The following BSN variants were observed in gnomAD, a reference collection of about 807,000 sequenced individuals.
BSN encodes the protein protein bassoon.
BSN carries 57 observed loss-of-function variants against 264.8 expected under a neutral mutation model. That is an observed-to-expected ratio of 0.22 (90% CI 0.17 to 0.27). The LOEUF is 0.27. BSN is among the 10% of genes least tolerant of loss of function. BSN has a pLI of 1.00. For synonymous variants in BSN, 2,059 were observed against 2,137.3 expected, an observed-to-expected ratio of 0.96 and a Z score of 1.01; for missense variants, 4,615 against 5,232.5, an observed-to-expected ratio of 0.88 and a Z score of 3.64.
intron 1 of BSN, among the ~76,000 whole-genome samples, chr3:49,558,350 A>G (rs897297479): frequency 4.6e-5 from 7 of 152,226 alleles, no homozygotes; most frequent in Non-Finnish European, 8.8e-5. Flanking sequence ...GCCCATCAGA[A>G]TGCGTAATCA....
intron 1 of BSN, among the ~76,000 whole-genome samples, chr3:49,584,365 T>C (rs182880355): frequency 2.6e-5 from 4 of 152,132 alleles, no homozygotes; most frequent in African/African-American, 9.6e-5. Context: ...TCACCTCTAA[T>C]CTTTATTATT....
In BSN at chr3:49,657,694, G is replaced by T. The variant is rs752959193; in HGVS notation, c.8138G>T (p.Gly2713Val). The T allele has an allele frequency of 1.3e-6, 2 of 1,558,312 alleles. No individual in the cohort carries two copies. Among genetic ancestry groups the T allele is most frequent in the Non-Finnish European group, 8.7e-7 (1 of 1,148,654 alleles). ...YISAPEKTGR[G>V]ESLACQTEPD... is the part of the protein sequence containing the mutation. ...TCGGCGCCAGAGAAGACTGGGCGTGGGGAGAGCCTGGCCTGCCAGACGGAG... is the reference window on the plus strand; with the variant it reads ...TCGGCGCCAGAGAAGACTGGGCGTGTGGAGAGCCTGGCCTGCCAGACGGAG... Residue 2713 changes from glycine (G) to valine (V), a missense_variant, in exon 5 of 12, where the codon GGG becomes GTG. Coordinates refer to ENST00000296452, the MANE Select transcript of BSN (RefSeq NM_003458.4).
rs551252588 is a variant in BSN at position 49,664,616 on chromosome 3, A to T, written c.11740+62A>T. Reference sequence around the variant, plus strand: ...TACTCTGGTACAGGCTGGGTCTGTGAGATGATTCCAGACTCAGTCACCCAG... The same window carrying T: ...TACTCTGGTACAGGCTGGGTCTGTGTGATGATTCCAGACTCAGTCACCCAG... On this transcript the variant is annotated intron_variant, in intron 9 of 11. Coordinates refer to ENST00000296452, the MANE Select transcript of BSN (RefSeq NM_003458.4). The T allele has an allele frequency of 2.1e-5, 33 of 1,549,714 alleles. No individual in the cohort carries two copies. In the South Asian group the frequency reaches 3.6e-4, roughly 17 times the overall value.
intron 1 of BSN, among the ~76,000 whole-genome samples, chr3:49,571,537 A>G (rs939700297): frequency 1.3e-5 from 2 of 152,144 alleles, no homozygotes; most frequent in Non-Finnish European, 2.9e-5. Flanking sequence ...CCCAGGACTC[A>G]TAGGATGGAG....
At chr3:49,626,509 C>G (rs2052342066) in intron 2 of BSN, among the ~76,000 whole-genome samples, 1 of 152,118 alleles carries the variant, frequency 6.6e-6, no homozygotes, top group South Asian at 2.1e-4. Context: ...GGAGTTGCTC[C>G]TGGAGTGTGG....
At position 49,606,225 on chromosome 3, in the gene BSN, T is replaced by TATA. The variant is rs1449538249; in HGVS notation, c.225-18749_225-18748insTAA. ...ATATTATATATGTATATATTATATA[T>TATA]ACATATATTATATATGTATATATTA... is the stretch of plus-strand genomic sequence containing the variant. On this transcript the variant is annotated intron_variant, in intron 1 of 11. Transcript: ENST00000296452. 9.4e-4 allele frequency among the ~76,000 whole-genome samples: 48 copies of TATA among 51,230 alleles called. 2 individuals are homozygous for TATA. The highest frequency in any genetic ancestry group is 4.5e-3 in the African/African-American group (47 of 10,408). The allele number at this position is 51,230 out of a possible 152,430, so 33.6% of individuals were successfully genotyped here. A position where few individuals can be genotyped will look rare whatever the true frequency, so the allele number is the denominator to read the frequency against.
intron 2 of BSN, among the ~76,000 whole-genome samples, chr3:49,626,599 G>A (rs770017943): frequency 6.6e-6 from 1 of 152,180 alleles, no homozygotes; most frequent in Non-Finnish European, 1.5e-5. Flanking sequence ...GTTCAGTTAG[G>A]TAAGTGCTTG....
Position 49,662,960 on chromosome 3 carries a change from A to G in BSN, c.10802A>G (p.His3601Arg), listed in dbSNP as rs1575453090. Reference protein sequence around the residue: ...RSDRFRHHGGHAVSSSSQKRG... With the variant: ...RSDRFRHHGGRAVSSSSQKRG... ...GACCGGTTCAGGCACCACGGGGGCC[A>G]TGCAGTTTCCTCCTCCTCCCAGAAG... The change falls in exon 7 of 12, where the codon CAT (histidine) becomes CGT (arginine). Residue 3601 changes from histidine (H) to arginine (R), a missense_variant. His to Arg is a conservative substitution (Grantham distance 29). Transcript: ENST00000296452. The G allele has an allele frequency of 3.1e-6, 5 of 1,614,150 alleles. No individual in the cohort carries two copies. Among genetic ancestry groups the G allele is most frequent in the South Asian group, 1.1e-5 (1 of 91,086 alleles).
chr3:49,635,057 A>G (rs2052410572), intron 2 of BSN, among the ~76,000 whole-genome samples: 1 of 152,152 alleles, frequency 6.6e-6, no homozygotes, highest in African/African-American at 2.4e-5. Flanking sequence ...GGGTGGCTAA[A>G]CAGACAGAAT....
rs781437225 is a variant in BSN, at chr3:49,663,406, C to G, written c.11248C>G (p.Arg3750Gly). 2 of 1,612,860 alleles carry G rather than the reference C, an allele frequency of 1.2e-6. No individual in the cohort carries two copies. The highest frequency in any genetic ancestry group is 2.2e-5 in the South Asian group (2 of 91,090). The stretch of plus-strand genomic sequence containing the variant: ...CCAGGCGCAGCCGCAGCTGCAAGGT[C>G]GGCAGGCAGCTCCAGGACCACAGCA... The part of the protein sequence containing the change: ...EPQAQPQLQG[R>G]QAAPGPQQSQ... The change falls in exon 7 of 12, where the codon CGG (arginine) becomes GGG (glycine). Residue 3750 changes from arginine to glycine, a missense_variant. Physicochemically the swap from Arg to Gly is moderately radical, Grantham distance 125. This residue lies in a region of BSN where 3,415 missense variants were observed against 3,866.4 expected (regional missense o/e 0.88). Transcript: ENST00000296452.
intron 1 of BSN, among the ~76,000 whole-genome samples, chr3:49,597,013 A>G (rs2052028871): frequency 6.6e-6 from 1 of 152,280 alleles, no homozygotes; most frequent in African/African-American, 2.4e-5. Flanking sequence ...GCTGGATGTT[A>G]AACTCTTGAT....
chr3:49,603,351 G>A (rs2052086683), intron 1 of BSN, among the ~76,000 whole-genome samples: 2 of 152,210 alleles, frequency 1.3e-5, no homozygotes, highest in South Asian at 4.1e-4. Context: ...CAGTTGAAGT[G>A]GTGGTGAGCA....
rs781146609 is a variant in BSN at position 49,652,199 on chromosome 3, C to A, written c.2643C>A (p.Pro881=). The part of the protein sequence containing the change: ...KHGTQKGGPR[P]RPEPSQEPAA... ...GCACCCAGAAAGGTGGCCCCAGACC[C>A]AGGCCTGAGCCTAGCCAAGAACCAG... Residue 881 remains proline, a synonymous_variant, in exon 5 of 12, where the codon CCC becomes CCA. Transcript: ENST00000296452. 2.5e-6 allele frequency: 4 copies of A among 1,613,360 alleles called. No homozygotes were observed. In the Admixed American group the frequency reaches 6.7e-5, roughly 27 times the overall value.
intron 3 of BSN, among the ~76,000 whole-genome samples, chr3:49,644,615 T>A (rs1297085939): frequency 6.6e-6 from 1 of 152,000 alleles, no homozygotes; most frequent in Admixed American, 6.5e-5. Flanking sequence ...TGCACCAGGG[T>A]GTCACCACAA....
At chr3:49,672,511 A>C (rs2052799367), downstream of BSN, among the ~76,000 whole-genome samples, 2 of 139,956 alleles carry the variant, frequency 1.4e-5, no homozygotes, top group Non-Finnish European at 3.1e-5. Context: ...ACGGAGTTTC[A>C]CTCTTGTTGC....
intron 1 of BSN, among the ~76,000 whole-genome samples, chr3:49,592,199 T>A (rs1025501629): frequency 6.6e-6 from 1 of 151,640 alleles, no homozygotes; most frequent in African/African-American, 2.4e-5. Flanking sequence ...AACCTCTGCC[T>A]CCCGGGTTCA....
At position 49,653,942 on chromosome 3, in the gene BSN, C is replaced by T; in HGVS notation, c.4386C>T (p.Gly1462=). ...TGAGTGCGAGTGACGGTGAGGGTGG[C>T]ACTCCTCAGCCTTCCCGGGCATATT... ...KPLSASDGEG[G]TPQPSRAYSY... Residue 1462 remains glycine, a synonymous_variant, in exon 5 of 12, where the codon GGC becomes GGT. Coordinates refer to ENST00000296452, the MANE Select transcript of BSN (RefSeq NM_003458.4). The surrounding 1 kb of genome is among the most constrained non-coding windows in gnomAD (Gnocchi z 6.3). 1 of 1,614,090 alleles carries T rather than the reference C, an allele frequency of 6.2e-7. No individual in the cohort carries two copies. The highest frequency in any genetic ancestry group is 1.1e-5 in the South Asian group (1 of 91,080).
chr3:49,601,400 C>T (rs1279079598), intron 1 of BSN, among the ~76,000 whole-genome samples: 2 of 152,218 alleles, frequency 1.3e-5, no homozygotes, highest in Non-Finnish European at 2.9e-5. Flanking sequence ...CCCATGTGCT[C>T]AGCTCTCCCT....
intron 1 of BSN, among the ~76,000 whole-genome samples, chr3:49,620,214 C>G (rs1333887295): frequency 1.3e-5 from 2 of 152,070 alleles, no homozygotes; most frequent in East Asian, 3.9e-4. Flanking sequence ...ATCACAAGGT[C>G]AGGAGTTCAA....
Sources: gnomAD v4.1 joint callset for allele counts (sites outside exome capture counted in the v4.1 genomes callset) on GRCh38, gnomAD v4.1.1 for gene constraint, gnomAD v4.1.1 regional missense constraint, Gnocchi (gnomAD v3.1) non-coding constraint, MANE v1.5 for transcripts, NCBI Gene and HGNC (gene_info 2026-07-23, HGNC 2026-07-21) for gene names.